Variants in MAP2K5 observed in about 807,000 individuals in gnomAD.
MAP2K5 encodes the protein mitogen-activated protein kinase kinase 5, also known as dual specificity mitogen-activated protein kinase kinase 5.
Under a neutral mutation model 83.1 loss-of-function variants are expected in MAP2K5, and 49 were observed. The observed-to-expected ratio is 0.59, with a 90% CI of 0.47 to 0.75. The LOEUF (loss-of-function observed/expected upper bound fraction) is 0.75, where lower values mean the gene tolerates loss of function less well. MAP2K5 is among the 30% of genes least tolerant of loss of function. The pLI is 0.00. For missense variants in MAP2K5, 457 were observed against 557.5 expected (o/e 0.82, Z 1.82); for synonymous variants, 202 against 191.8 (o/e 1.05, Z -0.44).
chr15:67,800,695 T>C (rs1229381682), intron 21 of MAP2K5, among the ~76,000 whole-genome samples: 5 of 152,212 alleles, frequency 3.3e-5, no homozygotes, highest in Non-Finnish European at 5.9e-5. Context: ...CTCAGAGCCA[T>C]GGACCACACT....
In MAP2K5 at chr15:67,632,359, C is replaced by T. The variant is rs150812954; in HGVS notation, c.585+1432C>T. On this transcript the variant is annotated intron_variant, in intron 9 of 21. Transcript: ENST00000178640. Reference sequence around the variant, plus strand: ...AAGCGATCCTCCTGTCTCAGCCACCCGAAGTCCTGGGATTATAGGCATGAG... The same window carrying T: ...AAGCGATCCTCCTGTCTCAGCCACCTGAAGTCCTGGGATTATAGGCATGAG... Among the ~76,000 whole-genome samples, 73 of 152,210 alleles carry T rather than the reference C, an allele frequency of 4.8e-4. No individual in the cohort carries two copies. The East Asian group carries it at 0.012, about 24-fold the overall frequency.
In MAP2K5 at chr15:67,640,811, T is replaced by G. The variant is rs555505399; in HGVS notation, c.586-5420T>G. 2.0e-5 allele frequency among the ~76,000 whole-genome samples: 3 copies of G among 152,216 alleles called. No homozygotes were observed. Among genetic ancestry groups the G allele is most frequent in the Non-Finnish European group, 2.9e-5 (2 of 68,030 alleles). ...AGGTAGGAATATATTACAAGATATT[T>G]TTAAAAGAAGTTGAATTTTGGAAAG... On this transcript the variant is annotated intron_variant, in intron 9 of 21. Transcript: ENST00000178640. The surrounding 1 kb of genome is among the most constrained non-coding windows in gnomAD (Gnocchi z 4.6).
chr15:67,575,171 G>A (rs1025867814), intron 3 of MAP2K5, among the ~76,000 whole-genome samples: 2 of 152,326 alleles, frequency 1.3e-5, no homozygotes, highest in African/African-American at 2.4e-5. Context: ...TGATTCATCA[G>A]CTCCTAATTA....
At chr15:67,726,075 TC>T (rs2089088091) in intron 16 of MAP2K5, among the ~76,000 whole-genome samples, 2 of 152,292 alleles carry the variant, frequency 1.3e-5, no homozygotes, top group South Asian at 4.1e-4. Flanking sequence ...ATTAATGATA[TC>T]CATCAAATGA....
rs553047134 is a variant in MAP2K5, at chr15:67,735,141, T to C, written c.1074+7196T>C. Among the ~76,000 whole-genome samples the C allele has an allele frequency of 5.9e-5, 9 of 152,342 alleles. No homozygotes were observed. The East Asian group carries it at 1.7e-3, about 29-fold the overall frequency. On this transcript the variant is annotated intron_variant, in intron 17 of 21. Coordinates refer to ENST00000178640, the MANE Select transcript of MAP2K5 (RefSeq NM_145160.3). ...TTTTAAATTGCCAGTGTCAAATTCT[T>C]CTCCATATCTATTGTGTACTTATCA...
At chr15:67,622,244 G>A (rs905976068) in intron 8 of MAP2K5, among the ~76,000 whole-genome samples, 1 of 152,062 alleles carries the variant, frequency 6.6e-6, no homozygotes, top group African/African-American at 2.4e-5. Flanking sequence ...AGGACCTGAA[G>A]GAAGCAATGG....
chr15:67,707,859 G>A lies in MAP2K5; in HGVS notation c.1044+4451G>A, dbSNP rs190684148. Among the ~76,000 whole-genome samples, 164 of 152,312 alleles carry A rather than the reference G, an allele frequency of 1.1e-3. 1 individual carries two copies. The highest frequency in any genetic ancestry group is 3.9e-3 in the African/African-American group (160 of 41,554). The stretch of plus-strand genomic sequence containing the variant: ...AAGGAGAGATCAAATGTCAAAGTAT[G>A]CAAGGTCTCCCCTGGTGTAGTTTCA... On this transcript the variant is annotated intron_variant, in intron 16 of 21. Coordinates refer to ENST00000178640, the MANE Select transcript of MAP2K5 (RefSeq NM_145160.3).
intron 3 of MAP2K5, among the ~76,000 whole-genome samples, chr15:67,564,880 G>A (rs79860802): frequency 1.6e-4 from 25 of 152,176 alleles, no homozygotes; most frequent in Non-Finnish European, 3.5e-4. Flanking sequence ...CAAAAGATAT[G>A]TACTTTTGGG....
rs568156675 is a variant in MAP2K5, at chr15:67,785,923, A to G, written c.1242+13171A>G. On this transcript the variant is annotated intron_variant, in intron 21 of 21. Transcript: ENST00000178640. This position sits in a 1 kb window ranked among gnomAD's most constrained non-coding sequence, Gnocchi z 4.4. ...CTACCTCTAGGAAACTGGGCAGGCA[A>G]CAGCTGTTTACTTAGCCCATCTGAG... Among the ~76,000 whole-genome samples, 14 of 152,222 alleles carry G rather than the reference A, an allele frequency of 9.2e-5. No homozygotes were observed. The highest frequency in any genetic ancestry group is 2.0e-4 in the Admixed American group (3 of 15,288).
chr15:67,576,262 G>A (rs2085062785), intron 3 of MAP2K5, among the ~76,000 whole-genome samples: 1 of 146,902 alleles, frequency 6.8e-6, no homozygotes, highest in African/African-American at 2.5e-5. Flanking sequence ...AACTTAAACT[G>A]TGCTGTTTTG....
chr15:67,583,238 G>T (rs1251449297), intron 4 of MAP2K5, among the ~76,000 whole-genome samples: 2 of 152,148 alleles, frequency 1.3e-5, no homozygotes, highest in Non-Finnish European at 2.9e-5. Context: ...AAATGGAAAG[G>T]CATATATATT....
At chr15:67,670,656 G>C (rs552047813) in intron 13 of MAP2K5, among the ~76,000 whole-genome samples, 1 of 151,612 alleles carries the variant, frequency 6.6e-6, no homozygotes, top group Non-Finnish European at 1.5e-5. Flanking sequence ...CATGGTTCCT[G>C]ACAAATCCTA....
chr15:67,708,622 T>A lies in MAP2K5; in HGVS notation c.1044+5214T>A, dbSNP rs567748861. Among the ~76,000 whole-genome samples the A allele has an allele frequency of 1.3e-5, 2 of 152,146 alleles. No individual in the cohort carries two copies. Among genetic ancestry groups the A allele is most frequent in the African/African-American group, 2.4e-5 (1 of 41,426 alleles). ...AGGACTACAGGTGTACCACTGCACC[T>A]GGCTGAACGCCTTCATTGTTTTAAA... On this transcript the variant is annotated intron_variant, in intron 16 of 21. Transcript: ENST00000178640. The surrounding 1 kb of genome is among the most constrained non-coding windows in gnomAD (Gnocchi z 4.9).
chr15:67,678,300 T>G (rs899082528), intron 13 of MAP2K5, among the ~76,000 whole-genome samples: 2 of 152,218 alleles, frequency 1.3e-5, no homozygotes, highest in African/African-American at 4.8e-5. Flanking sequence ...GCCCTCTGGC[T>G]CCTGGTAAAC....
At chr15:67,580,950 T>TATTC in intron 4 of MAP2K5, 127 bp downstream of exon 4, 1 of 667,748 alleles carries the variant, frequency 1.5e-6, no homozygotes, top group South Asian at 1.6e-5. Context: ...ACAAAAGAAG[T>TATTC]ATTCATTATC....
chr15:67,671,159 G>T (rs1233285221), intron 13 of MAP2K5, among the ~76,000 whole-genome samples: 3 of 152,180 alleles, frequency 2.0e-5, no homozygotes, highest in Non-Finnish European at 2.9e-5. Flanking sequence ...TAAGGTTCTG[G>T]GTTCTGTGAT....
chr15:67,748,405 A>C lies in MAP2K5; in HGVS notation c.1101+148A>C. The C allele has an allele frequency of 1.2e-6, 1 of 825,464 alleles. No individual in the cohort carries two copies. The allele number at this position is 825,464 out of a possible 1,614,324, so 51.1% of individuals were successfully genotyped here. On this transcript the variant is annotated intron_variant, in intron 18 of 21. Transcript: ENST00000178640. The surrounding 1 kb of genome is among the most constrained non-coding windows in gnomAD (Gnocchi z 4.0). ...AACTGCCTGTATTAGATTAGGTACC[A>C]TTAGAAATAATAGAACCTCCTGAGC...
chr15:67,583,889 G>A (rs2140998733), intron 4 of MAP2K5, among the ~76,000 whole-genome samples: 1 of 152,168 alleles, frequency 6.6e-6, no homozygotes, highest in East Asian at 1.9e-4. Context: ...TGGGGCTACA[G>A]GCATGTGCCA....
At chr15:67,574,673 T>G (rs1399271613) in intron 3 of MAP2K5, among the ~76,000 whole-genome samples, 1 of 146,700 alleles carries the variant, frequency 6.8e-6, no homozygotes, top group Non-Finnish European at 1.5e-5. Flanking sequence ...TCGAGACCAT[T>G]CTGGCCAACA....
Sources: gnomAD v4.1 joint callset for allele counts (sites outside exome capture counted in the v4.1 genomes callset) on GRCh38, gnomAD v4.1.1 for gene constraint, Gnocchi (gnomAD v3.1) non-coding constraint, MANE v1.5 for transcripts, NCBI Gene and HGNC (gene_info 2026-07-23, HGNC 2026-07-21) for gene names.